Variants in AUNIP observed in about 807,000 individuals in gnomAD.
The protein encoded by AUNIP is aurora kinase A- and ninein-interacting protein.
In AUNIP, 16 loss-of-function variants were observed where a neutral mutation model predicts 12.2. The ratio of observed to expected loss-of-function variants is 1.31; its 90% CI spans 0.88 to 1.99. The LOEUF is 1.99. Ranked by LOEUF, AUNIP falls within the 30% of genes most tolerant of loss-of-function variation. The probability of loss-of-function intolerance (pLI) is 0.00; values close to 1 mark genes in which losing one functional copy is unlikely to be tolerated. For synonymous variants in AUNIP, 142 were observed against 154.8 expected (o/e 0.92, Z 0.61); for missense variants, 411 against 419.1 (o/e 0.98, Z 0.17).
At chr1:25,838,772 T>G (rs2048323358) in intron 1 of AUNIP, among the ~76,000 whole-genome samples, 1 of 152,214 alleles carries the variant, frequency 6.6e-6, no homozygotes, top group Non-Finnish European at 1.5e-5. Context: ...TGTTTTTATT[T>G]CCATTTGCTT....
chr1:25,859,258 C>T (rs776934709), intron 1 of AUNIP, 22 bp downstream of exon 1: 2 of 1,564,640 alleles, frequency 1.3e-6, no homozygotes, highest in South Asian at 1.2e-5. Context: ...TCCCAACGCC[C>T]TCTCATCCCC....
At chr1:25,851,698 G>A (rs907921363) in intron 1 of AUNIP, among the ~76,000 whole-genome samples, 1 of 151,310 alleles carries the variant, frequency 6.6e-6, no homozygotes, top group African/African-American at 2.5e-5. Flanking sequence ...TTATCTAAAT[G>A]TGTTAGCATA....
chr1:25,835,951 T>C, intron 2 of AUNIP, 105 bp from the exon 3 acceptor site: 4 of 1,478,346 alleles, frequency 2.7e-6, no homozygotes, highest in East Asian at 2.3e-5. Context: ...TACTACCTAG[T>C]GCAGGAGTCT....
chr1:25,832,303 C>T (rs1377650736), downstream of AUNIP: 6 of 908,320 alleles, frequency 6.6e-6, no homozygotes, highest in Middle Eastern at 2.8e-4. Flanking sequence ...GAAGTTGTTT[C>T]TGGTTTTTCC....
intron 2 of AUNIP, 105 bp downstream of exon 2, chr1:25,837,308 C>T: frequency 7.4e-7 from 1 of 1,358,798 alleles, no homozygotes; most frequent in South Asian, 1.5e-5. Context: ...AAGTTTAACA[C>T]AATGCACTGG....
chr1:25,853,848 G>A (rs973842460), intron 1 of AUNIP, among the ~76,000 whole-genome samples: 6 of 152,116 alleles, frequency 3.9e-5, no homozygotes, highest in African/African-American at 1.2e-4. Context: ...GCAATCAAAA[G>A]AGGTCACAAA....
At chr1:25,859,042 C>T (rs2048485359) in intron 1 of AUNIP, among the ~76,000 whole-genome samples, 1 of 152,128 alleles carries the variant, frequency 6.6e-6, no homozygotes, top group African/African-American at 2.4e-5. Context: ...CCCTGCGCAC[C>T]GCTCCTCCAG....
At position 25,859,375 on chromosome 1, in the gene AUNIP, A is replaced by G. The variant is rs79783873; in HGVS notation, c.-18T>C. 2.6e-3 allele frequency: 3,932 copies of G among 1,504,064 alleles called. 86 individuals are homozygous for G. The African/African-American group carries it at 0.05, about 19-fold the overall frequency. The allele number at this position is 1,504,064 out of a possible 1,614,324, so 93.2% of individuals were successfully genotyped here. On this transcript the variant is annotated 5_prime_UTR_variant, in exon 1 of 3. Transcript: ENST00000374298. The stretch of plus-strand genomic sequence containing the variant: ...CGCCTCATGGCCGCTGAGGAGACGA[A>G]GCCGGCAGGACGCCGGCGCAGGCTC...
chr1:25,854,243 G>A (rs2048443462), intron 1 of AUNIP, among the ~76,000 whole-genome samples: 1 of 151,940 alleles, frequency 6.6e-6, no homozygotes, highest in African/African-American at 2.4e-5. Context: ...TAAATAAATA[G>A]CAAGTTACCA....
chr1:25,837,033 C>T (rs542963413), intron 2 of AUNIP, among the ~76,000 whole-genome samples: 22 of 152,310 alleles, frequency 1.4e-4, no homozygotes, highest in African/African-American at 5.3e-4. Flanking sequence ...AGAAGCGTCA[C>T]ACAAAAGTAT....
chr1:25,855,743 C>A (rs1169230640), intron 1 of AUNIP, among the ~76,000 whole-genome samples: 2 of 152,168 alleles, frequency 1.3e-5, no homozygotes, highest in Non-Finnish European at 2.9e-5. Context: ...GACATTAAAA[C>A]TCAAAGGACT....
rs747960451 is a variant in AUNIP at position 25,835,558 on chromosome 1, G to C, written c.509C>G (p.Pro170Arg). The C allele has an allele frequency of 6.2e-7, 1 of 1,614,112 alleles. No individual in the cohort carries two copies. The change falls in exon 3 of 3, where the codon CCA (proline) becomes CGA (arginine). Residue 170 changes from proline (P) to arginine (R), a missense_variant. Physicochemically the swap from Pro to Arg is moderately radical, Grantham distance 103 (BLOSUM62 -2). Transcript: ENST00000374298. ...TPDCAGDSHT[P>R]LAFSFTEDLE... is the part of the protein sequence containing the mutation. ...GTCCTCGGTGAAGGAAAAAGCCAGT[G>C]GGGTATGACTATCTCCAGCACAGTC...
intron 1 of AUNIP, among the ~76,000 whole-genome samples, chr1:25,844,193 A>G (rs177258): frequency 0.22 from 32,691 of 151,744 alleles, 3,790 homozygotes; most frequent in African/African-American, 0.27. Context: ...TGCAACCTCC[A>G]CCTCCCGGGT....
downstream of AUNIP, among the ~76,000 whole-genome samples, chr1:25,833,235 C>T (rs532331950): frequency 8.5e-4 from 129 of 152,136 alleles, no homozygotes; most frequent in Non-Finnish European, 1.3e-3. Flanking sequence ...CCACCTTAGC[C>T]TCCTGAGTAG....
At chr1:25,843,218 A>G (rs1160704338) in intron 1 of AUNIP, among the ~76,000 whole-genome samples, 1 of 145,538 alleles carries the variant, frequency 6.9e-6, no homozygotes, top group East Asian at 2.0e-4. Context: ...CTGCTCATTG[A>G]TAATGTTCCT....
chr1:25,836,811 G>C (rs1355215916), intron 2 of AUNIP, among the ~76,000 whole-genome samples: 2 of 151,962 alleles, frequency 1.3e-5, no homozygotes, highest in Non-Finnish European at 2.9e-5. Context: ...TGAAGGTTTA[G>C]GCAAAGCAAT....
intron 1 of AUNIP, among the ~76,000 whole-genome samples, chr1:25,856,157 G>C (rs2048458620): frequency 6.6e-6 from 1 of 152,024 alleles, no homozygotes; most frequent in Admixed American, 6.6e-5. Context: ...TTGAGGCCAG[G>C]AGTTCGAGAC....
chr1:25,835,086 C>T lies in AUNIP; in HGVS notation c.981G>A (p.Gln327=). The T allele has an allele frequency of 6.2e-7, 1 of 1,614,248 alleles. No individual in the cohort carries two copies. Among genetic ancestry groups the T allele is most frequent in the Non-Finnish European group, 8.5e-7 (1 of 1,180,050 alleles). Residue 327 remains glutamine, a synonymous_variant, in exon 3 of 3, where the codon CAG becomes CAA. Coordinates refer to ENST00000374298, the MANE Select transcript of AUNIP (RefSeq NM_024037.3). Reference sequence around the variant, plus strand: ...TTTGAGTTGGCCCATCCTCCTGGCACTGAGCCCAAGGACTGTTAGGAAACG... The same window carrying T: ...TTTGAGTTGGCCCATCCTCCTGGCATTGAGCCCAAGGACTGTTAGGAAACG... ...LGPFPNSPWA[Q]CQEDGPTQNL... is the part of the protein sequence containing the mutation.
At chr1:25,836,441 T>G (rs775888930) in intron 2 of AUNIP, among the ~76,000 whole-genome samples, 107 of 152,216 alleles carry the variant, frequency 7.0e-4, no homozygotes, top group Non-Finnish European at 1.2e-3. Flanking sequence ...GTAGGTAGAA[T>G]AGTGAAACAA....
Sources: allele counts gnomAD v4.1 joint callset (sites outside exome capture counted in the v4.1 genomes callset), GRCh38; gene constraint gnomAD v4.1.1; transcripts MANE v1.5; gene names NCBI Gene and HGNC (gene_info 2026-07-23, HGNC 2026-07-21).